ZNF606: variants seen among roughly 807,000 people sequenced by gnomAD.
ZNF606 encodes the protein zinc finger protein 606, also known as zinc finger protein 328.
Under a neutral mutation model 74.9 loss-of-function variants are expected in ZNF606, and 37 were observed. The observed-to-expected ratio is 0.49, with a 90% CI of 0.38 to 0.65. The LOEUF is 0.65. ZNF606 is among the 30% of genes least tolerant of loss of function. The pLI, the probability that ZNF606 is intolerant of heterozygous loss-of-function variation, is 0.00. For missense variants in ZNF606, 852 were observed against 952.9 expected (o/e 0.89, Z 1.39); for synonymous variants, 328 against 312.4 (o/e 1.05, Z -0.53).
At chr19:57,999,949 C>T in intron 3 of ZNF606, 53 bp from the exon 4 acceptor site, 1 of 1,566,024 alleles carries the variant, frequency 6.4e-7, no homozygotes, top group East Asian at 2.3e-5. Flanking sequence ...AGGAGCTCAC[C>T]TTTTCTTCTG....
intron 4 of ZNF606, among the ~76,000 whole-genome samples, chr19:57,990,936 C>T (rs1666421491): frequency 6.6e-6 from 1 of 152,176 alleles, no homozygotes; most frequent in African/African-American, 2.4e-5. Context: ...GACTGTCCAT[C>T]CTCTTTTCCA....
At position 57,979,642 on chromosome 19, in the gene ZNF606, ATTATACTGGTTTTCTCCAACAT is replaced by A; in HGVS notation, c.1016_1037del (p.His339LeufsTer23). 6.2e-7 allele frequency: 1 copy of A among 1,613,650 alleles called. No homozygotes were observed. Among genetic ancestry groups the A allele is most frequent in the Non-Finnish European group, 8.5e-7 (1 of 1,179,996 alleles). On this transcript the variant is annotated frameshift_variant, in exon 7 of 7. Coordinates refer to ENST00000551380, the MANE Select transcript of ZNF606 (RefSeq NM_001348022.3). LOFTEE classifies it high-confidence loss of function. Reference sequence around the variant, plus strand: ...AAAAGATATTCTCATATTCTTTGTAATTATACTGGTTTTCTCCAACATGAAGCCTTGGGTGTTCATTAAATGA... The same window carrying A: ...AAAAGATATTCTCATATTCTTTGTAAGAAGCCTTGGGTGTTCATTAAATGA...
In ZNF606 at chr19:57,977,867, T is replaced by C. The variant is rs2073013835; in HGVS notation, c.*434A>G. ...TGTATTTCTACAATTATGCACAAAA[T>C]GTTATTGTAGAGTTTTCCATCCAGT... On this transcript the variant is annotated 3_prime_UTR_variant, in exon 7 of 7. Coordinates refer to ENST00000551380, the MANE Select transcript of ZNF606 (RefSeq NM_001348022.3). 6.5e-6 allele frequency: 1 copy of C among 154,290 alleles called. No homozygotes were observed. The highest frequency in any genetic ancestry group is 1.4e-5 in the Non-Finnish European group (1 of 69,554). The allele number at this position is 154,290 out of a possible 1,614,324, so 9.6% of individuals were successfully genotyped here.
At chr19:58,003,277 C>G (rs370287968), upstream of ZNF606, 9 of 456,774 alleles carry the variant, frequency 2.0e-5, no homozygotes, top group Middle Eastern at 3.3e-4. Flanking sequence ...AGGGCTCGTT[C>G]CCAAGTCTCT....
rs901102954 is a variant in ZNF606 at position 58,001,200 on chromosome 19, C to T, written c.31+89G>A. On this transcript the variant is annotated intron_variant, in intron 2 of 6. Transcript: ENST00000551380. ...AGATAGACAGACCCCCTTCCATCCT[C>T]AAAAGTCCTCAGCCCATCACCAGCT... The T allele has an allele frequency of 7.9e-6, 12 of 1,511,778 alleles. No homozygotes were observed. The African/African-American group carries it at 1.1e-4, about 14-fold the overall frequency. The allele number at this position is 1,511,778 out of a possible 1,614,324, so 93.6% of individuals were successfully genotyped here.
intron 4 of ZNF606, among the ~76,000 whole-genome samples, chr19:57,995,189 C>CAA (rs766350560): frequency 6.9e-4 from 34 of 49,356 alleles, no homozygotes; most frequent in East Asian, 2.6e-3. Context: ...GACTCTGACT[C>CAA]AAAAAAAAAA....
At chr19:57,991,977 G>A (rs1407352439) in intron 4 of ZNF606, among the ~76,000 whole-genome samples, 1 of 151,958 alleles carries the variant, frequency 6.6e-6, no homozygotes, top group African/African-American at 2.4e-5. Context: ...TTCTTAGATG[G>A]CTTCAATGTT....
Position 57,994,094 on chromosome 19 carries a change from A to T in ZNF606, c.178-5373T>A, listed in dbSNP as rs1338035235. Among the ~76,000 whole-genome samples, 3 of 152,248 alleles carry T rather than the reference A, an allele frequency of 2.0e-5. No individual in the cohort carries two copies. In the East Asian group the frequency reaches 5.8e-4, roughly 29 times the overall value. On this transcript the variant is annotated intron_variant, in intron 4 of 6. Coordinates refer to ENST00000551380, the MANE Select transcript of ZNF606 (RefSeq NM_001348022.3). The stretch of plus-strand genomic sequence containing the variant: ...CAAAGACCTGTTAATTCCTATTCTC[A>T]GATTCTCAGACCAGAGTGATTTCAG...
In ZNF606 at chr19:57,979,418, G is replaced by C. The variant is rs1302676358; in HGVS notation, c.1262C>G (p.Thr421Ser). 6.2e-7 allele frequency: 1 copy of C among 1,613,836 alleles called. No individual in the cohort carries two copies. The highest frequency in any genetic ancestry group is 1.7e-5 in the Admixed American group (1 of 59,968). ...WSSYLIQHKK[T>S]HTGEKPYECD... ...TTCATAGGGTTTTTCTCCAGTATGA[G>C]TTTTCTTATGTTGAATAAGGTAAGA... Residue 421 changes from threonine (T) to serine (S), a missense_variant, in exon 7 of 7, where the codon ACT becomes AGT. By Grantham distance (58) the Thr-to-Ser change is moderately conservative (BLOSUM62 1). This residue lies in a region of ZNF606 where 545 missense variants were observed against 542.5 expected (regional missense o/e 1.00). Coordinates refer to ENST00000551380, the MANE Select transcript of ZNF606 (RefSeq NM_001348022.3).
intron 2 of ZNF606, among the ~76,000 whole-genome samples, 164 bp from the exon 3 acceptor site, chr19:58,000,903 G>T (rs927246425): frequency 6.6e-6 from 1 of 152,166 alleles, no homozygotes; most frequent in African/African-American, 2.4e-5. Context: ...CACAGGCAAT[G>T]CACAGGTGAG....
intron 4 of ZNF606, among the ~76,000 whole-genome samples, chr19:57,992,091 A>G (rs1371966074): frequency 2.0e-5 from 3 of 152,218 alleles, no homozygotes; most frequent in African/African-American, 7.2e-5. Flanking sequence ...CAATGGAATC[A>G]TTATATGTTC....
chr19:57,999,557 G>C (rs1035203931), intron 4 of ZNF606: 5 of 513,312 alleles, frequency 9.7e-6, no homozygotes, highest in African/African-American at 3.8e-5. Flanking sequence ...AGCCAAAAGG[G>C]CTGCCCTTCA....
Position 58,002,123 on chromosome 19 carries a change from C to T in ZNF606, c.-52+273G>A, listed in dbSNP as rs1272885134. The T allele has an allele frequency of 3.3e-5, 15 of 455,522 alleles. No homozygotes were observed. The East Asian group carries it at 3.5e-4, about 11-fold the overall frequency. The allele number at this position is 455,522 out of a possible 1,614,324, so 28.2% of individuals were successfully genotyped here. A position where few individuals can be genotyped will look rare whatever the true frequency, so the allele number is the denominator to read the frequency against. On this transcript the variant is annotated intron_variant, in intron 1 of 6. Transcript: ENST00000551380. ...GCGAAAACGCAGAATGCAAACCGTACTTTGCACCATTATTTGCAACTTGAC... is the reference window on the plus strand; with the variant it reads ...GCGAAAACGCAGAATGCAAACCGTATTTTGCACCATTATTTGCAACTTGAC...
upstream of ZNF606, chr19:58,002,873 G>A: frequency 2.3e-6 from 1 of 432,380 alleles, no homozygotes; most frequent in Non-Finnish European, 4.6e-6. Context: ...GGCACTTCCG[G>A]CGTCGGGCAG....
chr19:57,996,530 G>A (rs376080958), intron 4 of ZNF606, among the ~76,000 whole-genome samples: 3 of 152,206 alleles, frequency 2.0e-5, no homozygotes, highest in African/African-American at 4.8e-5. Flanking sequence ...GGCTGGTAAG[G>A]GGACACAGTA....
chr19:57,999,594 G>T, intron 4 of ZNF606: 1 of 526,166 alleles, frequency 1.9e-6, no homozygotes, highest in Non-Finnish European at 3.4e-6. Flanking sequence ...AGGGAGAGTT[G>T]GAGCTCAGTA....
At position 57,988,124 on chromosome 19, in the gene ZNF606, G is replaced by A. The variant is rs924999980; in HGVS notation, c.400+83C>T. 17 of 1,062,588 alleles carry A rather than the reference G, an allele frequency of 1.6e-5. 1 individual carries two copies. The South Asian group carries it at 1.8e-4, about 11-fold the overall frequency. The allele number at this position is 1,062,588 out of a possible 1,614,324, so 65.8% of individuals were successfully genotyped here. ...GGAATTCTAAATGCATCTGAGGAAGGTAACTCTTCATGGCCTTATCCCATT... is the reference window on the plus strand; with the variant it reads ...GGAATTCTAAATGCATCTGAGGAAGATAACTCTTCATGGCCTTATCCCATT... On this transcript the variant is annotated intron_variant, in intron 6 of 6. Coordinates refer to ENST00000551380, the MANE Select transcript of ZNF606 (RefSeq NM_001348022.3).
intron 4 of ZNF606, among the ~76,000 whole-genome samples, chr19:57,989,007 C>T (rs1263464235): frequency 1.3e-5 from 2 of 152,202 alleles, no homozygotes; most frequent in Non-Finnish European, 2.9e-5. Context: ...CTGGCTATGT[C>T]CCCCACCTTG....
intron 4 of ZNF606, among the ~76,000 whole-genome samples, chr19:57,990,980 G>A (rs551468888): frequency 9.9e-5 from 15 of 151,888 alleles, no homozygotes; most frequent in African/African-American, 3.1e-4. Context: ...TCACAACCTC[G>A]AAGACACAGA....
Sources: allele counts gnomAD v4.1 joint callset (sites outside exome capture counted in the v4.1 genomes callset), GRCh38; gene constraint gnomAD v4.1.1; regional missense constraint gnomAD v4.1.1; transcripts MANE v1.5; gene names NCBI Gene and HGNC (gene_info 2026-07-23, HGNC 2026-07-21).